The following DTNBP1 variants were observed in gnomAD, a reference collection of about 807,000 sequenced individuals.
DTNBP1 encodes the protein dysbindin.
A neutral mutation model predicts 42.8 loss-of-function variants in DTNBP1; 35 were observed. That is an observed-to-expected ratio of 0.82 (90% CI 0.63 to 1.09). The LOEUF is 1.09. Among genes scored for constraint, DTNBP1 ranks in the 50% least tolerant of loss-of-function variants. DTNBP1 has a pLI of 0.00. For missense variants in DTNBP1, 457 were observed against 424.2 expected (o/e 1.08, Z -0.68); for synonymous variants, 171 against 162.2 (o/e 1.05, Z -0.41).
chr6:15,584,313 C>T (rs1426426924), intron 7 of DTNBP1, among the ~76,000 whole-genome samples: 3 of 152,054 alleles, frequency 2.0e-5, no homozygotes, highest in Non-Finnish European at 4.4e-5. Flanking sequence ...CAGATCTTTA[C>T]TCTTAGAACC....
chr6:15,604,895 C>T (rs974180740), intron 6 of DTNBP1, among the ~76,000 whole-genome samples: 1 of 152,192 alleles, frequency 6.6e-6, no homozygotes. Flanking sequence ...GCGACCACCA[C>T]TTCTAGGAGG....
In DTNBP1 at chr6:15,523,012, T is replaced by C. The variant is rs367543102; in HGVS notation, c.1019A>G (p.Glu340Gly). 38 of 1,613,646 alleles carry C rather than the reference T, an allele frequency of 2.4e-5. No homozygotes were observed. The Admixed American group carries it at 2.8e-4, about 12-fold the overall frequency. The change falls in exon 10 of 10, where the codon GAG becomes GGG. Residue 340 changes from glutamate (E) to glycine (G), a missense_variant. Coordinates refer to ENST00000344537, the MANE Select transcript of DTNBP1 (RefSeq NM_032122.5). ...TALATSHTDREATPDGGEDSD... is the reference protein window; with the variant it reads ...TALATSHTDRGATPDGGEDSD... Reference sequence around the variant, plus strand: ...GTCCTCACCACCATCCGGAGTGGCCTCTCTGTCAGTGTGTGATGTGGCCAG... The same window carrying C: ...GTCCTCACCACCATCCGGAGTGGCCCCTCTGTCAGTGTGTGATGTGGCCAG...
At chr6:15,605,157 A>G (rs1757969840) in intron 6 of DTNBP1, among the ~76,000 whole-genome samples, 2 of 152,328 alleles carry the variant, frequency 1.3e-5, no homozygotes, top group South Asian at 4.1e-4. Flanking sequence ...AGGGATCTAG[A>G]AACTTGGAAA....
chr6:15,524,553 C>A lies in DTNBP1; in HGVS notation c.784G>T (p.Glu262Ter). The change falls in exon 9 of 10, where the codon GAG becomes TAG. Residue 262 changes from glutamate to a stop codon, truncating the protein, a stop_gained. Transcript: ENST00000344537. LOFTEE classifies it low-confidence loss of function (END_TRUNC). Reference sequence around the variant, plus strand: ...AAGGCGGGGGACAGCACAGTGTTCTCTTCTCCTCCAGAGTTCAGGAAGACG... The same window carrying A: ...AAGGCGGGGGACAGCACAGTGTTCTATTCTCCTCCAGAGTTCAGGAAGACG... ...LDVFLNSGGEENTVLSPALGP... is the reference protein window; with the variant it reads ...LDVFLNSGGE 6.2e-7 allele frequency: 1 copy of A among 1,610,210 alleles called. No homozygotes were observed. The highest frequency in any genetic ancestry group is 8.5e-7 in the Non-Finnish European group (1 of 1,177,646).
intron 6 of DTNBP1, among the ~76,000 whole-genome samples, chr6:15,614,686 A>G (rs9464807): frequency 0.15 from 23,525 of 152,222 alleles, 2,715 homozygotes; most frequent in African/African-American, 0.32. Flanking sequence ...AGCCATTATT[A>G]TAACTAATAT....
intron 1 of DTNBP1, among the ~76,000 whole-genome samples, chr6:15,657,663 GAC>G (rs1334801154): frequency 6.6e-6 from 1 of 152,180 alleles, no homozygotes; most frequent in Non-Finnish European, 1.5e-5. Flanking sequence ...AGATATTCTA[GAC>G]AGTCTGCTAC....
At chr6:15,523,555 T>C in intron 9 of DTNBP1, 1 of 1,240,210 alleles carries the variant, frequency 8.1e-7, no homozygotes, top group African/African-American at 1.8e-5. Flanking sequence ...CTTGATAATC[T>C]AGATTTCTTT....
At chr6:15,592,431 T>C (rs1776337587) in intron 7 of DTNBP1, among the ~76,000 whole-genome samples, 2 of 152,226 alleles carry the variant, frequency 1.3e-5, no homozygotes, top group Non-Finnish European at 2.9e-5. Flanking sequence ...TGTGTTTTTT[T>C]CTGTTTTTCA....
At chr6:15,576,344 A>C (rs188426807) in intron 7 of DTNBP1, among the ~76,000 whole-genome samples, 277 of 152,148 alleles carry the variant, frequency 1.8e-3, no homozygotes, top group African/African-American at 6.5e-3. Context: ...GCTGGTCTCA[A>C]ACTCCTGAGC....
In DTNBP1 at chr6:15,597,763, C is replaced by T. The variant is rs529462857; in HGVS notation, c.489-4682G>A. Among the ~76,000 whole-genome samples, 3 of 152,312 alleles carry T rather than the reference C, an allele frequency of 2.0e-5. No individual in the cohort carries two copies. The East Asian group carries it at 5.8e-4, about 29-fold the overall frequency. The stretch of plus-strand genomic sequence containing the variant: ...CCCAGAGTTGGACCCAACAGACACT[C>T]AGCAAATCATGATTACCAAGTACTG... On this transcript the variant is annotated intron_variant, in intron 6 of 9. Transcript: ENST00000344537.
rs138911041 is a variant in DTNBP1 at position 15,660,274 on chromosome 6, G to A, written c.56+2540C>T. 5.6e-5 allele frequency: 59 copies of A among 1,062,148 alleles called. No individual in the cohort carries two copies. In the Admixed American group the frequency reaches 5.8e-4, roughly 10 times the overall value. 65.8% of individuals were successfully genotyped at this position (1,062,148 alleles called of 1,614,324 possible). ...TAAACACATGTGTGCTGTGTTTAGC[G>A]TCATCTTTTCTCCTCAAGGCAAAAA... On this transcript the variant is annotated intron_variant, in intron 1 of 9. Coordinates refer to ENST00000344537, the MANE Select transcript of DTNBP1 (RefSeq NM_032122.5).
intron 6 of DTNBP1, among the ~76,000 whole-genome samples, chr6:15,610,873 A>C (rs543653603): frequency 1.6e-4 from 25 of 152,388 alleles, no homozygotes; most frequent in African/African-American, 5.8e-4. Flanking sequence ...ATTTAAAGTA[A>C]GGAGTCATCT....
intron 1 of DTNBP1, among the ~76,000 whole-genome samples, chr6:15,658,617 T>C (rs1189041222): frequency 6.6e-6 from 1 of 152,196 alleles, no homozygotes; most frequent in Admixed American, 6.5e-5. Flanking sequence ...TAAATCTGAT[T>C]TTCAGTTCCC....
intron 7 of DTNBP1, among the ~76,000 whole-genome samples, chr6:15,576,147 C>CT: frequency 6.6e-6 from 1 of 151,288 alleles, no homozygotes; most frequent in South Asian, 2.1e-4. Context: ...GAGACAGAGT[C>CT]TTGCTCTGTT....
intron 7 of DTNBP1, among the ~76,000 whole-genome samples, chr6:15,589,076 G>A (rs911132135): frequency 1.3e-5 from 2 of 152,258 alleles, no homozygotes; most frequent in East Asian, 1.9e-4. Flanking sequence ...TGTCTCACAC[G>A]TTAAGCCAAC....
chr6:15,532,081 T>C (rs55968020), intron 8 of DTNBP1, among the ~76,000 whole-genome samples: 2 of 151,798 alleles, frequency 1.3e-5, no homozygotes, highest in Non-Finnish European at 2.9e-5. Context: ...AGGCTGAGAT[T>C]TGGGGGGTGA....
At chr6:15,647,067 C>T (rs1760726495) in intron 3 of DTNBP1, among the ~76,000 whole-genome samples, 1 of 151,902 alleles carries the variant, frequency 6.6e-6, no homozygotes. Context: ...AAACAGACAA[C>T]CTACAGAATG....
intron 4 of DTNBP1, among the ~76,000 whole-genome samples, chr6:15,631,764 T>C (rs554327920): frequency 6.6e-5 from 10 of 152,296 alleles, no homozygotes; most frequent in Admixed American, 2.0e-4. Flanking sequence ...TTGGATGTAA[T>C]GCTCTGGAAA....
chr6:15,650,510 G>C (rs1760928592), intron 3 of DTNBP1, among the ~76,000 whole-genome samples: 1 of 152,130 alleles, frequency 6.6e-6, no homozygotes, highest in Non-Finnish European at 1.5e-5. Context: ...TCAAACTCCT[G>C]ACCTCAAGTG....
Sources: gnomAD v4.1 joint callset for allele counts (sites outside exome capture counted in the v4.1 genomes callset) on GRCh38, gnomAD v4.1.1 for gene constraint, MANE v1.5 for transcripts, NCBI Gene and HGNC (gene_info 2026-07-23, HGNC 2026-07-21) for gene names.